TAOK3: variants seen among roughly 807,000 people sequenced by gnomAD.
TAOK3 encodes the protein TAO kinase 3.
Under a neutral mutation model 120.4 loss-of-function variants are expected in TAOK3, and 40 were observed. That is an observed-to-expected ratio of 0.33 (90% CI 0.26 to 0.43). The LOEUF is 0.43. Ranked by LOEUF, TAOK3 falls within the 20% of genes least tolerant of loss-of-function variation. The pLI is 1.00. For missense variants in TAOK3, 821 were observed against 1,112.1 expected (o/e 0.74, Z 3.72); for synonymous variants, 355 against 387.5 (o/e 0.92, Z 0.99).
intron 1 of TAOK3, among the ~76,000 whole-genome samples, chr12:118,268,202 T>G (rs2041543808): frequency 1.3e-5 from 2 of 152,240 alleles, no homozygotes; most frequent in Admixed American, 1.3e-4. Context: ...AACCTTTTGT[T>G]GAACTATTGA....
intron 1 of TAOK3, among the ~76,000 whole-genome samples, chr12:118,272,552 T>C (rs2041752434): frequency 2.6e-5 from 4 of 152,162 alleles, no homozygotes; most frequent in African/African-American, 9.6e-5. Context: ...AGAATTAGAA[T>C]GTTTCATACT....
intron 1 of TAOK3, among the ~76,000 whole-genome samples, chr12:118,326,487 T>G (rs2043939956): frequency 6.6e-6 from 1 of 152,186 alleles, no homozygotes; most frequent in Admixed American, 6.5e-5. Context: ...GGCTCTTTAG[T>G]GGCTGCATAT....
chr12:118,352,711 TTA>T (rs2095500959), intron 1 of TAOK3, among the ~76,000 whole-genome samples: 1 of 152,034 alleles, frequency 6.6e-6, no homozygotes, highest in African/African-American at 2.4e-5. Flanking sequence ...GTTACTGATC[TTA>T]TCTTATTTAT....
At chr12:118,187,097 C>A (rs915351811) in intron 14 of TAOK3, among the ~76,000 whole-genome samples, 2 of 152,182 alleles carry the variant, frequency 1.3e-5, no homozygotes, top group Non-Finnish European at 1.5e-5. Flanking sequence ...TTAAAATATG[C>A]ATTTCATCAT....
At chr12:118,332,411 C>T (rs1021998520) in intron 1 of TAOK3, among the ~76,000 whole-genome samples, 2 of 152,096 alleles carry the variant, frequency 1.3e-5, no homozygotes, top group Non-Finnish European at 2.9e-5. Flanking sequence ...AAGCTTCTCT[C>T]TTTTCTCAGT....
chr12:118,331,645 CAAAAAAAA>C (rs57291591), intron 1 of TAOK3, among the ~76,000 whole-genome samples: 3 of 48,006 alleles, frequency 6.2e-5, no homozygotes, highest in Non-Finnish European at 1.4e-4. Context: ...ACTCTTATCT[CAAAAAAAA>C]AAAAAAAAAA....
intron 14 of TAOK3, among the ~76,000 whole-genome samples, chr12:118,187,919 C>G (rs2037170983): frequency 6.6e-6 from 1 of 152,148 alleles, no homozygotes; most frequent in Non-Finnish European, 1.5e-5. Flanking sequence ...AGGGAAGCAG[C>G]TTTTATCATC....
Position 118,150,815 on chromosome 12 carries a change from G to T in TAOK3, c.*182C>A. ...GCACTGAAAGTTGACACGGGGGGAGGAAGGGGGCCCCTGATGGAGTAAGAA... is the reference window on the plus strand; with the variant it reads ...GCACTGAAAGTTGACACGGGGGGAGTAAGGGGGCCCCTGATGGAGTAAGAA... On this transcript the variant is annotated 3_prime_UTR_variant, in exon 21 of 21. Transcript: ENST00000392533. The T allele has an allele frequency of 1.5e-6, 1 of 670,398 alleles. No homozygotes were observed. Among genetic ancestry groups the T allele is most frequent in the Non-Finnish European group, 2.4e-6 (1 of 416,366 alleles). 41.5% of individuals were successfully genotyped at this position (670,398 alleles called of 1,614,324 possible).
chr12:118,204,665 C>A (rs1014175097), intron 11 of TAOK3, among the ~76,000 whole-genome samples: 7 of 152,288 alleles, frequency 4.6e-5, no homozygotes, highest in African/African-American at 1.7e-4. Flanking sequence ...AAGAGCTAAT[C>A]GGTTTTTAGT....
chr12:118,192,473 C>T (rs1005135472), intron 13 of TAOK3, among the ~76,000 whole-genome samples: 1 of 152,092 alleles, frequency 6.6e-6, no homozygotes, highest in Non-Finnish European at 1.5e-5. Flanking sequence ...TAAAGGTCTT[C>T]AAATATTATA....
chr12:118,163,166 T>C (rs1406803538), intron 17 of TAOK3, among the ~76,000 whole-genome samples: 1 of 152,156 alleles, frequency 6.6e-6, no homozygotes, highest in Non-Finnish European at 1.5e-5. Context: ...ACCACATATG[T>C]GGTAGTCATC....
chr12:118,211,426 T>C (rs1230083397), intron 11 of TAOK3, among the ~76,000 whole-genome samples: 1 of 152,204 alleles, frequency 6.6e-6, no homozygotes, highest in Non-Finnish European at 1.5e-5. Context: ...TCCTTAAGCC[T>C]ATTCACCATT....
intron 1 of TAOK3, among the ~76,000 whole-genome samples, chr12:118,326,126 G>A (rs1318261741): frequency 6.6e-6 from 1 of 152,174 alleles, no homozygotes; most frequent in African/African-American, 2.4e-5. Context: ...TTTTCTTTTA[G>A]TAGTTTCACA....
intron 8 of TAOK3, among the ~76,000 whole-genome samples, chr12:118,234,950 T>A (rs550309131): frequency 6.6e-6 from 1 of 152,340 alleles, no homozygotes; most frequent in East Asian, 1.9e-4. Context: ...GTAAATGTTA[T>A]TTGGTGATAG....
intron 1 of TAOK3, among the ~76,000 whole-genome samples, chr12:118,295,728 T>C (rs925334882): frequency 1.3e-5 from 2 of 152,214 alleles, no homozygotes; most frequent in South Asian, 4.1e-4. Flanking sequence ...TGAATAATTC[T>C]ATCCAGTCTC....
chr12:118,257,672 A>G (rs1248957972), intron 2 of TAOK3, among the ~76,000 whole-genome samples: 6 of 152,182 alleles, frequency 3.9e-5, no homozygotes, highest in Non-Finnish European at 7.3e-5. Context: ...GAAGAAAAAA[A>G]AGAAACTAAT....
intron 1 of TAOK3, among the ~76,000 whole-genome samples, chr12:118,313,168 A>G (rs554189335): frequency 2.0e-5 from 3 of 152,366 alleles, no homozygotes; most frequent in African/African-American, 7.2e-5. Flanking sequence ...GCTAGATCCT[A>G]GTAGGACAGT....
intron 1 of TAOK3, among the ~76,000 whole-genome samples, chr12:118,276,883 T>C (rs911779631): frequency 6.6e-6 from 1 of 152,098 alleles, no homozygotes; most frequent in Non-Finnish European, 1.5e-5. Flanking sequence ...CTCACGCCTA[T>C]AGTCCCAGCT....
chr12:118,330,037 G>A (rs773727291), intron 1 of TAOK3, among the ~76,000 whole-genome samples: 1 of 152,116 alleles, frequency 6.6e-6, no homozygotes, highest in African/African-American at 2.4e-5. Context: ...CAATATTTTG[G>A]AGGAAAAATA....
Sources: allele counts gnomAD v4.1 joint callset (sites outside exome capture counted in the v4.1 genomes callset), GRCh38; gene constraint gnomAD v4.1.1; transcripts MANE v1.5; gene names NCBI Gene and HGNC (gene_info 2026-07-23, HGNC 2026-07-21).